The following PTPRD variants were observed in gnomAD, a reference collection of about 807,000 sequenced individuals.
PTPRD encodes the protein protein tyrosine phosphatase receptor type D.
In PTPRD, 34 loss-of-function variants were observed where a neutral mutation model predicts 214.5. The observed-to-expected ratio is 0.16, with a 90% CI of 0.12 to 0.21. The LOEUF is 0.21. PTPRD is among the 10% of genes least tolerant of loss of function. The probability of loss-of-function intolerance (pLI) is 1.00; values close to 1 mark genes in which losing one functional copy is unlikely to be tolerated. For synonymous variants in PTPRD, 1,128 were observed against 845.7 expected (o/e 1.33, Z -5.79); for missense variants, 2,545 against 2,398.7 (o/e 1.06, Z -1.27).
chr9:10,046,967 T>A (rs1299409796), intron 3 of PTPRD, among the ~76,000 whole-genome samples: 4 of 151,878 alleles, frequency 2.6e-5, no homozygotes, highest in Non-Finnish European at 5.9e-5. Flanking sequence ...AATAAGTAGA[T>A]CAAATATGCA....
At chr9:10,382,427 C>G (rs1046667298) in intron 2 of PTPRD, among the ~76,000 whole-genome samples, 2 of 151,866 alleles carry the variant, frequency 1.3e-5, no homozygotes, top group Non-Finnish European at 2.9e-5. Context: ...GATTCTAGAA[C>G]TGACTTGCCA....
At chr9:9,845,443 C>T in intron 5 of PTPRD, among the ~76,000 whole-genome samples, 1 of 151,588 alleles carries the variant, frequency 6.6e-6, no homozygotes, top group Non-Finnish European at 1.5e-5. Flanking sequence ...ACAGAGGACA[C>T]CCCTTAAGTG....
In PTPRD at chr9:8,951,138, A is replaced by AGT. The variant is rs56212369; in HGVS notation, c.-104+67557_-104+67558dup. ...GTTAAGGCATTTGTTTAGGAAAAAGAGTGTGTGTGTGTGTGTGTGTAAGAG... is the reference window on the plus strand; with the variant it reads ...GTTAAGGCATTTGTTTAGGAAAAAGAGTGTGTGTGTGTGTGTGTGTGTAAGAG... On this transcript the variant is annotated intron_variant, in intron 11 of 45. Transcript: ENST00000381196. Among the ~76,000 whole-genome samples the AGT allele has an allele frequency of 7.6e-3, 1,120 of 147,224 alleles. 14 individuals carry two copies. Among genetic ancestry groups the AGT allele is most frequent in the African/African-American group, 0.027 (1,072 of 40,064 alleles).
intron 5 of PTPRD, among the ~76,000 whole-genome samples, chr9:9,895,184 T>C (rs552047828): frequency 6.6e-6 from 1 of 152,034 alleles, no homozygotes; most frequent in African/African-American, 2.4e-5. Context: ...ACTCAAAAGA[T>C]GCATTTGGGT....
At chr9:10,043,709 T>C (rs2097337778) in intron 3 of PTPRD, among the ~76,000 whole-genome samples, 1 of 151,830 alleles carries the variant, frequency 6.6e-6, no homozygotes, top group Non-Finnish European at 1.5e-5. Context: ...AGAAATATGA[T>C]GTTGCCAAGG....
At chr9:10,602,958 C>A (rs946686087) in intron 2 of PTPRD, among the ~76,000 whole-genome samples, 1 of 151,806 alleles carries the variant, frequency 6.6e-6, no homozygotes, top group Non-Finnish European at 1.5e-5. Context: ...TGCTATTCCA[C>A]CATGCCTCTC....
intron 7 of PTPRD, among the ~76,000 whole-genome samples, chr9:9,627,362 A>G (rs1018229156): frequency 2.6e-5 from 4 of 152,200 alleles, no homozygotes; most frequent in Non-Finnish European, 4.4e-5. Context: ...TGCTTAGTCA[A>G]TTCTCCTGCT....
chr9:9,998,127 A>ATATATATATATATATATATAT (rs1231969776), intron 4 of PTPRD, among the ~76,000 whole-genome samples: 14 of 55,182 alleles, frequency 2.5e-4, no homozygotes, highest in African/African-American at 9.4e-4. Context: ...AAAAAAAAAA[A>ATATATATATATATATATATAT]AAATATATAT....
chr9:10,533,798 G>C (rs1259995606), intron 2 of PTPRD, among the ~76,000 whole-genome samples: 1 of 151,540 alleles, frequency 6.6e-6, no homozygotes, highest in Non-Finnish European at 1.5e-5. Context: ...ATGTTTTAAA[G>C]CCATATTTCA....
intron 3 of PTPRD, among the ~76,000 whole-genome samples, chr9:10,115,020 C>T: frequency 6.7e-6 from 1 of 148,306 alleles, no homozygotes; most frequent in Admixed American, 6.8e-5. Flanking sequence ...TGGAGCATTA[C>T]TTATTGGATA....
At chr9:10,027,433 A>G (rs1346555275) in intron 4 of PTPRD, among the ~76,000 whole-genome samples, 1 of 152,210 alleles carries the variant, frequency 6.6e-6, no homozygotes, top group African/African-American at 2.4e-5. Context: ...AGAGATACAT[A>G]GGTACCTCCT....
intron 14 of PTPRD, among the ~76,000 whole-genome samples, chr9:8,560,138 A>G (rs1035346055): frequency 6.6e-6 from 1 of 152,222 alleles, no homozygotes; most frequent in Non-Finnish European, 1.5e-5. Flanking sequence ...CTCTATTCAT[A>G]TAACCTTAAA....
intron 5 of PTPRD, among the ~76,000 whole-genome samples, chr9:9,889,421 T>A (rs2072369239): frequency 6.6e-6 from 1 of 152,050 alleles, no homozygotes; most frequent in Non-Finnish European, 1.5e-5. Context: ...TTAAAAGTAT[T>A]TAAATAAATA....
chr9:9,958,757 A>G (rs1018769391), intron 4 of PTPRD, among the ~76,000 whole-genome samples: 3 of 152,210 alleles, frequency 2.0e-5, no homozygotes, highest in African/African-American at 7.2e-5. Context: ...GATACTTCAA[A>G]GAAAATATGC....
intron 8 of PTPRD, among the ~76,000 whole-genome samples, chr9:9,427,538 A>G (rs985821584): frequency 2.9e-5 from 3 of 103,534 alleles, no homozygotes; most frequent in Non-Finnish European, 4.3e-5. Context: ...GCAGGCCAAC[A>G]TTGAAATCAG....
intron 10 of PTPRD, among the ~76,000 whole-genome samples, chr9:9,074,741 C>G (rs911764308): frequency 6.0e-5 from 9 of 151,184 alleles, no homozygotes; most frequent in Admixed American, 5.3e-4. Flanking sequence ...GTTGTTTGAG[C>G]TCCTTGTATA....
At chr9:10,506,451 C>T (rs756507070) in intron 2 of PTPRD, among the ~76,000 whole-genome samples, 12 of 152,076 alleles carry the variant, frequency 7.9e-5, no homozygotes, top group Non-Finnish European at 1.8e-4. Context: ...AATTTATGTA[C>T]ATTTTAAAAT....
intron 5 of PTPRD, among the ~76,000 whole-genome samples, chr9:9,790,720 T>A (rs1220750094): frequency 6.6e-6 from 1 of 152,220 alleles, no homozygotes; most frequent in Non-Finnish European, 1.5e-5. Flanking sequence ...GTCTGTCAAA[T>A]TCAGTTCTTA....
At chr9:8,519,392 T>A (rs568053062) in intron 20 of PTPRD, among the ~76,000 whole-genome samples, 1 of 152,290 alleles carries the variant, frequency 6.6e-6, no homozygotes, top group African/African-American at 2.4e-5. Flanking sequence ...CATATTCAAG[T>A]GCCTTATTCT....
Sources: gnomAD v4.1 joint callset for allele counts (sites outside exome capture counted in the v4.1 genomes callset) on GRCh38, gnomAD v4.1.1 for gene constraint, MANE v1.5 for transcripts, NCBI Gene and HGNC (gene_info 2026-07-23, HGNC 2026-07-21) for gene names.